Variants in AFTPH observed in about 807,000 individuals in gnomAD.
The protein encoded by AFTPH is aftiphilin protein.
Under a neutral mutation model 72.5 loss-of-function variants are expected in AFTPH, and 7 were observed. That is an observed-to-expected ratio of 0.10 (90% confidence interval 0.05 to 0.18). The LOEUF is 0.18. Among genes scored for constraint, AFTPH ranks in the 10% least tolerant of loss-of-function variants. The pLI, the probability that AFTPH is intolerant of heterozygous loss-of-function variation, is 1.00. For missense variants in AFTPH, 979 were observed against 1,060.5 expected, an observed-to-expected ratio of 0.92 and a Z score of 1.07; for synonymous variants, 337 against 370.1, an observed-to-expected ratio of 0.91 and a Z score of 1.03.
intron 2 of AFTPH, among the ~76,000 whole-genome samples, chr2:64,564,436 C>CT (rs1202314859): frequency 6.6e-6 from 1 of 151,990 alleles, no homozygotes; most frequent in Non-Finnish European, 1.5e-5. Flanking sequence ...TAGATAGACC[C>CT]TGATATCTCC....
intron 2 of AFTPH, among the ~76,000 whole-genome samples, chr2:64,563,947 AT>A (rs1401938346): frequency 6.6e-6 from 1 of 152,182 alleles, no homozygotes; most frequent in African/African-American, 2.4e-5. Flanking sequence ...TGGTTTATAC[AT>A]TTTGTGTTTC....
chr2:64,582,320 C>CT (rs1213268229), intron 7 of AFTPH, among the ~76,000 whole-genome samples: 1 of 152,198 alleles, frequency 6.6e-6, no homozygotes, highest in Non-Finnish European at 1.5e-5. Context: ...ATGGGGGAGA[C>CT]TAACAGTCAG....
chr2:64,543,157 A>G (rs1313861757), intron 1 of AFTPH, among the ~76,000 whole-genome samples: 1 of 152,168 alleles, frequency 6.6e-6, no homozygotes, highest in Non-Finnish European at 1.5e-5. Flanking sequence ...GACTTTTTAT[A>G]TGCTGTTGGC....
chr2:64,591,779 C>G (rs1027138911), intron 8 of AFTPH, 109 bp from the exon 10 acceptor site: 1 of 1,215,076 alleles, frequency 8.2e-7, no homozygotes, highest in African/African-American at 1.5e-5. Flanking sequence ...GGAAAAAATA[C>G]TCAAGTCCCC....
At chr2:64,572,876 C>G in intron 5 of AFTPH, 70 bp from the exon 6 acceptor site, 2 of 1,559,652 alleles carry the variant, frequency 1.3e-6, no homozygotes, top group Non-Finnish European at 1.7e-6. Flanking sequence ...CTTCTTCTTT[C>G]TGATAGATTA....
chr2:64,552,763 A>G, exon 2 of AFTPH: 1 of 1,614,216 alleles, frequency 6.2e-7, no homozygotes, highest in African/African-American at 1.3e-5. Context: ...ATCAATGAAG[A>G]TGATTTTGGT....
At chr2:64,538,102 T>C (rs1163482220) in intron 1 of AFTPH, among the ~76,000 whole-genome samples, 2 of 152,186 alleles carry the variant, frequency 1.3e-5, no homozygotes, top group African/African-American at 4.8e-5. Context: ...TAAATACTGT[T>C]TGGCGAAACT....
At chr2:64,583,726 A>C (rs1673343571) in intron 7 of AFTPH, among the ~76,000 whole-genome samples, 1 of 152,188 alleles carries the variant, frequency 6.6e-6, no homozygotes, top group Non-Finnish European at 1.5e-5. Flanking sequence ...AACACAAAGG[A>C]AAGTCCTTTT....
rs1264084269 is a variant in AFTPH, at chr2:64,551,443, G to T, written c.-32G>T. On this transcript the variant is annotated splice_region_variant and 5_prime_UTR_variant, in exon 2 of 9. Coordinates refer to ENST00000238856, the Ensembl canonical transcript of AFTPH. The stretch of plus-strand genomic sequence containing the variant: ...AAAATTCTTTTTTTCTTTTTTACAG[G>T]TGTAAATTAATTATTTGAAAGCAAC... 6.3e-7 allele frequency: 1 copy of T among 1,580,676 alleles called. No individual in the cohort carries two copies. Among genetic ancestry groups the T allele is most frequent in the South Asian group, 1.2e-5 (1 of 85,282 alleles).
chr2:64,572,819 C>A, intron 5 of AFTPH, 127 bp from the exon 6 acceptor site: 10 of 1,187,488 alleles, frequency 8.4e-6, no homozygotes, highest in Non-Finnish European at 1.0e-5. Flanking sequence ...AAAAAAAAGA[C>A]TAGTTCCTTT....
intron 5 of AFTPH, among the ~76,000 whole-genome samples, chr2:64,570,587 G>A (rs1244186770): frequency 1.3e-5 from 2 of 152,078 alleles, no homozygotes; most frequent in Non-Finnish European, 2.9e-5. Flanking sequence ...AAAACATTTT[G>A]ATGATCCCCA....
rs529558353 is a variant in AFTPH at position 64,543,174 on chromosome 2, G to A, written c.-32-8269G>A. ...CTTTTTATATGCTGTTGGCTATTTG[G>A]ATATCCTGTCTTGTGAAATACCTGT... is the stretch of plus-strand genomic sequence containing the variant. On this transcript the variant is annotated intron_variant, in intron 1 of 8. Transcript: ENST00000238856. Among the ~76,000 whole-genome samples the A allele has an allele frequency of 2.6e-5, 4 of 152,218 alleles. No individual in the cohort carries two copies. In the East Asian group the frequency reaches 7.7e-4, roughly 29 times the overall value.
chr2:64,588,730 C>T lies in AFTPH; in HGVS notation c.2580-3155C>T, dbSNP rs76112149. 4.4e-3 allele frequency among the ~76,000 whole-genome samples: 673 copies of T among 152,246 alleles called. 17 individuals carry two copies. The highest frequency in any genetic ancestry group is 0.033 in the Admixed American group (498 of 15,276). The stretch of plus-strand genomic sequence containing the variant: ...TTGTATATCTTCTGTGGAGAAATAT[C>T]TGTTCAGATCCTTTGCCTTTTTTGT... On this transcript the variant is annotated intron_variant, in intron 8 of 8. Transcript: ENST00000238856.
chr2:64,579,774 G>A, intron 7 of AFTPH: 1 of 389,374 alleles, frequency 2.6e-6, no homozygotes, highest in Non-Finnish European at 4.5e-6. Context: ...TAAAATTTTA[G>A]TTTCAGTCAA....
At chr2:64,585,026 G>T (rs890309746) in intron 7 of AFTPH, among the ~76,000 whole-genome samples, 3 of 152,166 alleles carry the variant, frequency 2.0e-5, no homozygotes, top group Non-Finnish European at 4.4e-5. Flanking sequence ...TTTTTAAAAT[G>T]AGATTAGTTA....
intron 2 of AFTPH, among the ~76,000 whole-genome samples, chr2:64,556,839 A>C (rs867237905): frequency 1.3e-5 from 2 of 152,362 alleles, no homozygotes; most frequent in South Asian, 2.1e-4. Flanking sequence ...CATTATTGAG[A>C]AATAGATATC....
chr2:64,579,608 A>G (rs1673044895), intron 7 of AFTPH, 62 bp downstream of exon 7: 2 of 1,411,058 alleles, frequency 1.4e-6, no homozygotes, highest in Admixed American at 1.8e-5. Context: ...CAAAGTTCAG[A>G]CAAACTTCTC....
At chr2:64,572,951 G>A in exon 6 of AFTPH, 1 of 1,614,006 alleles carries the variant, frequency 6.2e-7, no homozygotes, top group Non-Finnish European at 8.5e-7. Context: ...TTCAGGGTAT[G>A]TTAGAGCCCA....
intron 6 of AFTPH, among the ~76,000 whole-genome samples, chr2:64,575,373 C>G (rs1409572189): frequency 2.6e-5 from 4 of 152,118 alleles, no homozygotes; most frequent in African/African-American, 7.2e-5. Context: ...TGCCTGTAAT[C>G]TCAGCACTTT....
Sources: allele counts gnomAD v4.1 joint callset (sites outside exome capture counted in the v4.1 genomes callset), GRCh38; gene constraint gnomAD v4.1.1; transcripts MANE v1.5; gene names NCBI Gene and HGNC (gene_info 2026-07-23, HGNC 2026-07-21).